DAB1: variants seen among roughly 807,000 people sequenced by gnomAD.
DAB1 encodes the protein DAB adaptor protein 1, also known as disabled homolog 1.
In DAB1, 15 loss-of-function variants were observed where a neutral mutation model predicts 64.6. That is an observed-to-expected ratio of 0.23 (90% confidence interval 0.16 to 0.36). DAB1 has a LOEUF of 0.36. DAB1 is among the 10% of genes least tolerant of loss of function. The probability of loss-of-function intolerance (pLI) is 1.00; values close to 1 mark genes in which losing one functional copy is unlikely to be tolerated. For synonymous variants in DAB1, 235 were observed against 251.9 expected, an observed-to-expected ratio of 0.93 and a Z score of 0.64; for missense variants, 596 against 706.7, an observed-to-expected ratio of 0.84 and a Z score of 1.78.
At chr1:57,087,240 G>A (rs767526771) in intron 4 of DAB1, among the ~76,000 whole-genome samples, 158 of 152,340 alleles carry the variant, frequency 1.0e-3, no homozygotes, top group Non-Finnish European at 4.0e-4. Context: ...CGACCTGCAG[G>A]AGACAGCCAG....
intron 2 of DAB1, among the ~76,000 whole-genome samples, chr1:57,255,753 T>C (rs1462621468): frequency 1.3e-5 from 2 of 152,210 alleles, no homozygotes; most frequent in Non-Finnish European, 2.9e-5. Flanking sequence ...TATCCCAGCA[T>C]ACTCACAAGG....
chr1:57,212,084 A>T (rs768945795), intron 2 of DAB1, among the ~76,000 whole-genome samples: 3 of 152,184 alleles, frequency 2.0e-5, no homozygotes, highest in Non-Finnish European at 4.4e-5. Context: ...CATGCATGCT[A>T]TAATTTTAAG....
intron 3 of DAB1, among the ~76,000 whole-genome samples, chr1:58,374,534 T>A (rs1245049547): frequency 6.6e-6 from 1 of 151,060 alleles, no homozygotes; most frequent in Non-Finnish European, 1.5e-5. Flanking sequence ...GTTCCATTGA[T>A]CTATATCTCT....
chr1:58,098,456 TGA>T (rs1651120478), intron 5 of DAB1, among the ~76,000 whole-genome samples: 1 of 152,096 alleles, frequency 6.6e-6, no homozygotes, highest in Non-Finnish European at 1.5e-5. Context: ...AGGCCAGTAA[TGA>T]GAGGATCAAT....
At chr1:57,003,524 T>C (rs1195323346) in intron 14 of DAB1, among the ~76,000 whole-genome samples, 2 of 152,192 alleles carry the variant, frequency 1.3e-5, no homozygotes, top group Admixed American at 1.3e-4. Context: ...TAGATTTTTA[T>C]TTGTGGTGAA....
intron 3 of DAB1, among the ~76,000 whole-genome samples, chr1:58,489,791 C>T (rs537038883): frequency 4.6e-5 from 7 of 152,194 alleles, no homozygotes; most frequent in South Asian, 2.1e-4. Context: ...CACCAATATC[C>T]GCTGTTCTGC....
chr1:58,084,332 C>G (rs1307078892), intron 5 of DAB1: 1 of 152,172 alleles, frequency 6.6e-6, no homozygotes, highest in East Asian at 1.9e-4. Context: ...GGGCTTTTTT[C>G]CTCTGCCTTT....
intron 1 of DAB1, among the ~76,000 whole-genome samples, chr1:57,415,915 G>T (rs2101072276): frequency 6.6e-6 from 1 of 152,230 alleles, no homozygotes; most frequent in South Asian, 2.1e-4. Context: ...TAACTGCTGG[G>T]ATTTAACTGC....
At position 58,074,564 on chromosome 1, in the gene DAB1, G is replaced by GTATATATATATA. The variant is rs375821412; in HGVS notation, n.387+75935_387+75946dup. On this transcript the variant is annotated intron_variant and non_coding_transcript_variant, in intron 5 of 20. Transcript: ENST00000485760. ...TATATACACACATATATATATGTGT[G>GTATATATATATA]TATATATATATATATATATATATAT... 3.0e-3 allele frequency: 274 copies of GTATATATATATA among 91,588 alleles called. 1 individual carries two copies. The highest frequency in any genetic ancestry group is 0.011 in the African/African-American group (260 of 22,912). The allele number at this position is 91,588 out of a possible 1,614,324, so 5.7% of individuals were successfully genotyped here.
chr1:57,755,294 C>A lies in DAB1; in HGVS notation n.552-105629G>T, dbSNP rs539659425. Among the ~76,000 whole-genome samples the A allele has an allele frequency of 3.8e-4, 58 of 152,252 alleles. No individual in the cohort carries two copies. In the South Asian group the frequency reaches 0.012, roughly 32 times the overall value. Reference sequence around the variant, plus strand: ...TTGGGAAAAAGTGGCATCTTTACAGCACAAAGTATTCCTATCCATGAATAG... The same window carrying A: ...TTGGGAAAAAGTGGCATCTTTACAGAACAAAGTATTCCTATCCATGAATAG... On this transcript the variant is annotated intron_variant and non_coding_transcript_variant, in intron 6 of 20. Coordinates refer to the DAB1 transcript ENST00000485760.
intron 4 of DAB1, among the ~76,000 whole-genome samples, chr1:58,239,094 T>C (rs76980267): frequency 0.013 from 2,007 of 152,292 alleles, 40 homozygotes; most frequent in African/African-American, 0.046. Context: ...CGGAATGCTG[T>C]AGGTTACCCA....
intron 1 of DAB1, among the ~76,000 whole-genome samples, chr1:57,853,111 T>G (rs1292455175): frequency 1.3e-5 from 2 of 152,124 alleles, no homozygotes; most frequent in Non-Finnish European, 2.9e-5. Flanking sequence ...TTAATTACAA[T>G]CTGTTTCTTC....
chr1:58,503,205 T>A (rs1219210625), intron 3 of DAB1, among the ~76,000 whole-genome samples: 2 of 151,928 alleles, frequency 1.3e-5, no homozygotes. Flanking sequence ...AGAAAAAAAA[T>A]TCAAGAGAAA....
chr1:57,527,494 G>C (rs1644607072), intron 7 of DAB1, among the ~76,000 whole-genome samples: 1 of 152,154 alleles, frequency 6.6e-6, no homozygotes, highest in Non-Finnish European at 1.5e-5. Context: ...CAAGATGACA[G>C]AGGCAGAAAG....
At chr1:58,025,637 A>T (rs1303464399) in intron 5 of DAB1, among the ~76,000 whole-genome samples, 1 of 64,430 alleles carries the variant, frequency 1.6e-5, no homozygotes, top group Non-Finnish European at 3.7e-5. Flanking sequence ...ATATAATATT[A>T]TATATATATG....
chr1:58,379,102 C>T (rs1644363843), intron 3 of DAB1, among the ~76,000 whole-genome samples: 1 of 151,622 alleles, frequency 6.6e-6, no homozygotes, highest in South Asian at 2.1e-4. Context: ...TGAGATGAAC[C>T]CGGTACCTCA....
chr1:57,354,016 A>C (rs1272530494), intron 1 of DAB1, among the ~76,000 whole-genome samples: 1 of 152,158 alleles, frequency 6.6e-6, no homozygotes, highest in Non-Finnish European at 1.5e-5. Context: ...ATTCTCCTTC[A>C]AAACCTGTCA....
chr1:58,128,231 G>A (rs1303404105), intron 5 of DAB1, among the ~76,000 whole-genome samples: 1 of 151,472 alleles, frequency 6.6e-6, no homozygotes. Flanking sequence ...ATTGTGAATG[G>A]GAATTCACTC....
intron 1 of DAB1, among the ~76,000 whole-genome samples, chr1:57,870,329 T>C (rs1269367730): frequency 6.6e-6 from 1 of 152,120 alleles, no homozygotes; most frequent in Non-Finnish European, 1.5e-5. Flanking sequence ...CACTTGGGGC[T>C]GCATAGAGTT....
Sources: gnomAD v4.1 joint callset for allele counts (sites outside exome capture counted in the v4.1 genomes callset) on GRCh38, gnomAD v4.1.1 for gene constraint, MANE v1.5 for transcripts, NCBI Gene and HGNC (gene_info 2026-07-23, HGNC 2026-07-21) for gene names.